JARID2: variants seen among roughly 807,000 people sequenced by gnomAD.
The protein encoded by JARID2 is jumonji and AT-rich interaction domain containing 2.
Under a neutral mutation model 125.6 loss-of-function variants are expected in JARID2, and 21 were observed. That is an observed-to-expected ratio of 0.17 (90% CI 0.12 to 0.24). The LOEUF is 0.24. Among genes scored for constraint, JARID2 ranks in the 10% least tolerant of loss-of-function variants. The pLI is 1.00. For synonymous variants in JARID2, 736 were observed against 661.6 expected (o/e 1.11, Z -1.73); for missense variants, 1,303 against 1,639.6 (o/e 0.79, Z 3.55).
chr6:15,313,278 G>A (rs1762075758), intron 1 of JARID2, among the ~76,000 whole-genome samples: 1 of 152,184 alleles, frequency 6.6e-6, no homozygotes, highest in African/African-American at 2.4e-5. Flanking sequence ...TCTATTGTCT[G>A]TGTGTGCCTG....
In JARID2 at chr6:15,520,104, C is replaced by G. The variant is rs61750269; in HGVS notation, c.3594C>G (p.Gly1198=). 2.4e-3 allele frequency: 3,901 copies of G among 1,613,692 alleles called. 11 individuals carry two copies. Among genetic ancestry groups the G allele is most frequent in the Non-Finnish European group, 2.9e-3 (3,373 of 1,179,826 alleles). ...QIISLVNQIC[G]KVSGKNGSIE... is the part of the protein sequence containing the mutation. ...TCAGTCTGGTCAATCAGATCTGCGGCAAAGTGTCTGGTAAAAACGGCAGCA... is the reference window on the plus strand; with the variant it reads ...TCAGTCTGGTCAATCAGATCTGCGGGAAAGTGTCTGGTAAAAACGGCAGCA... The change falls in exon 18 of 18, where the codon GGC becomes GGG. Residue 1198 remains glycine (G), a synonymous_variant. Transcript: ENST00000341776.
At chr6:15,469,860 A>G (rs1768984745) in intron 5 of JARID2, among the ~76,000 whole-genome samples, 1 of 152,064 alleles carries the variant, frequency 6.6e-6, no homozygotes, top group African/African-American at 2.4e-5. Flanking sequence ...TTGGAATTGC[A>G]CTGAGTGGGG....
intron 3 of JARID2, among the ~76,000 whole-genome samples, chr6:15,428,202 C>T (rs969583814): frequency 1.3e-5 from 2 of 151,984 alleles, no homozygotes; most frequent in African/African-American, 4.8e-5. Flanking sequence ...AAATATCATG[C>T]AAGAATATTT....
intron 3 of JARID2, among the ~76,000 whole-genome samples, chr6:15,434,835 C>T (rs188492918): frequency 1.6e-4 from 25 of 152,302 alleles, no homozygotes; most frequent in Non-Finnish European, 2.4e-4. Flanking sequence ...TGAAGTTTTG[C>T]AGTCTATATA....
At chr6:15,505,941 A>G (rs1020965085) in intron 9 of JARID2, among the ~76,000 whole-genome samples, 1 of 152,240 alleles carries the variant, frequency 6.6e-6, no homozygotes, top group Non-Finnish European at 1.5e-5. Flanking sequence ...TTTATTGCCA[A>G]ACAACACGTG....
intron 6 of JARID2, 98 bp downstream of exon 6, chr6:15,487,640 G>T: frequency 9.2e-7 from 1 of 1,091,724 alleles, no homozygotes; most frequent in Non-Finnish European, 1.3e-6. Context: ...TCAAGAAGCA[G>T]GAGGTGATGC....
chr6:15,388,857 T>C (rs1200345729), intron 2 of JARID2, among the ~76,000 whole-genome samples: 1 of 152,104 alleles, frequency 6.6e-6, no homozygotes, highest in African/African-American at 2.4e-5. Context: ...CTGGTTCAGC[T>C]CTTTCTGTGT....
At chr6:15,500,651 C>G (rs1424043948) in intron 7 of JARID2, among the ~76,000 whole-genome samples, 3 of 152,146 alleles carry the variant, frequency 2.0e-5, no homozygotes, top group Non-Finnish European at 4.4e-5. Flanking sequence ...AGCTTAAATG[C>G]TGCCTCCTCA....
chr6:15,365,316 T>C (rs986741996), intron 1 of JARID2, among the ~76,000 whole-genome samples: 1 of 152,058 alleles, frequency 6.6e-6, no homozygotes, highest in African/African-American at 2.4e-5. Flanking sequence ...CTTTTTTGAT[T>C]ACATTGAAAA....
At chr6:15,366,990 G>C (rs776573656) in intron 1 of JARID2, among the ~76,000 whole-genome samples, 3 of 152,068 alleles carry the variant, frequency 2.0e-5, no homozygotes, top group Non-Finnish European at 2.9e-5. Context: ...TGTCATTGTA[G>C]GCTTTTTTTG....
At chr6:15,424,627 T>C (rs113266822) in intron 3 of JARID2, among the ~76,000 whole-genome samples, 4,707 of 152,006 alleles carry the variant, frequency 0.031, 235 homozygotes, top group African/African-American at 0.11. Context: ...GGGGGCTGAG[T>C]TGGGCGGATC....
intron 3 of JARID2, among the ~76,000 whole-genome samples, chr6:15,412,200 G>A (rs1166091562): frequency 6.6e-6 from 1 of 152,164 alleles, no homozygotes; most frequent in Non-Finnish European, 1.5e-5. Context: ...GTGGATTAAG[G>A]TTTGATAGGC....
intron 3 of JARID2, among the ~76,000 whole-genome samples, chr6:15,433,898 T>G (rs1023039274): frequency 2.0e-5 from 3 of 150,818 alleles, no homozygotes; most frequent in Non-Finnish European, 4.4e-5. Flanking sequence ...CTAAGAGTTT[T>G]TCCAGTAGCC....
intron 1 of JARID2, among the ~76,000 whole-genome samples, chr6:15,366,517 G>GGT (rs1561816537): frequency 5.3e-5 from 7 of 131,036 alleles, no homozygotes; most frequent in African/African-American, 2.2e-4. Context: ...GGCGGGGGGG[G>GGT]CGGGGGGGGT....
intron 1 of JARID2, among the ~76,000 whole-genome samples, chr6:15,282,252 T>A (rs973318643): frequency 1.3e-5 from 2 of 152,022 alleles, no homozygotes; most frequent in African/African-American, 4.8e-5. Flanking sequence ...ATGTGCTGTT[T>A]TAGAGTAGGA....
At chr6:15,343,218 A>T (rs1763128513) in intron 1 of JARID2, among the ~76,000 whole-genome samples, 1 of 117,308 alleles carries the variant, frequency 8.5e-6, no homozygotes, top group Non-Finnish European at 1.8e-5. Context: ...GACAAGAACG[A>T]AACTCCGTCA....
chr6:15,364,688 A>G (rs1763914646), intron 1 of JARID2, among the ~76,000 whole-genome samples: 1 of 152,216 alleles, frequency 6.6e-6, no homozygotes, highest in African/African-American at 2.4e-5. Flanking sequence ...TAAGGCACAT[A>G]AGACTCTCAG....
At chr6:15,515,895 CATG>C (rs1771525729) in intron 16 of JARID2, among the ~76,000 whole-genome samples, 3 of 150,780 alleles carry the variant, frequency 2.0e-5, no homozygotes, top group African/African-American at 7.3e-5. Flanking sequence ...ATTAGCCGTG[CATG>C]ATGTTGAGCG....
intron 4 of JARID2, among the ~76,000 whole-genome samples, chr6:15,458,879 G>C (rs1200654470): frequency 6.6e-6 from 1 of 152,214 alleles, no homozygotes; most frequent in Non-Finnish European, 1.5e-5. Context: ...AAGAAAGTTA[G>C]GATAAGCCTC....
Sources: allele counts gnomAD v4.1 joint callset (sites outside exome capture counted in the v4.1 genomes callset), GRCh38; gene constraint gnomAD v4.1.1; transcripts MANE v1.5; gene names NCBI Gene and HGNC (gene_info 2026-07-23, HGNC 2026-07-21).